Variants in PPP2CA observed in about 807,000 individuals in gnomAD.
The protein encoded by PPP2CA is protein phosphatase 2 catalytic subunit alpha, also known as serine/threonine-protein phosphatase 2A catalytic subunit alpha isoform.
PPP2CA carries 5 observed loss-of-function variants against 38.8 expected under a neutral mutation model. That is an observed-to-expected ratio of 0.13 (90% CI 0.07 to 0.27). The LOEUF is 0.27. PPP2CA is among the 10% of genes least tolerant of loss of function. PPP2CA has a pLI of 1.00. For missense variants in PPP2CA, 88 were observed against 389.7 expected (o/e 0.23, Z 6.52); for synonymous variants, 152 against 134.0 (o/e 1.13, Z -0.93).
At chr5:134,225,684 G>T in intron 1 of PPP2CA, 76 bp downstream of exon 1, 2 of 1,397,722 alleles carry the variant, frequency 1.4e-6, no homozygotes, top group Non-Finnish European at 2.0e-6. Context: ...CCGCCATGTT[G>T]CACCCTCCTC....
At chr5:134,208,038 T>C (rs573912328) in intron 1 of PPP2CA, among the ~76,000 whole-genome samples, 15 of 152,312 alleles carry the variant, frequency 9.8e-5, no homozygotes, top group African/African-American at 3.6e-4. Flanking sequence ...ACCTATCATA[T>C]ATTAATGAAA....
chr5:134,203,213 T>TA (rs1189031912), intron 2 of PPP2CA, among the ~76,000 whole-genome samples: 1 of 152,238 alleles, frequency 6.6e-6, no homozygotes, highest in Admixed American at 6.5e-5. Flanking sequence ...GTGCTTTTGT[T>TA]ATATCTAAGA....
intron 3 of PPP2CA, 78 bp downstream of exon 3, chr5:134,201,770 G>GA: frequency 1.4e-6 from 2 of 1,448,814 alleles, no homozygotes; most frequent in South Asian, 2.6e-5. Flanking sequence ...GTTAAGAGTG[G>GA]AAAGAGTCAT....
chr5:134,225,092 C>T (rs1207311192), intron 1 of PPP2CA, among the ~76,000 whole-genome samples: 2 of 152,196 alleles, frequency 1.3e-5, no homozygotes, highest in African/African-American at 4.8e-5. Context: ...TCACCAAATT[C>T]CCGATTTCTT....
intron 1 of PPP2CA, among the ~76,000 whole-genome samples, chr5:134,219,359 G>T (rs1207764149): frequency 6.6e-6 from 1 of 152,208 alleles, no homozygotes; most frequent in Non-Finnish European, 1.5e-5. Context: ...TCACACGATA[G>T]CATCAATGAC....
At chr5:134,204,375 C>T (rs1050680517) in intron 2 of PPP2CA, among the ~76,000 whole-genome samples, 4 of 152,260 alleles carry the variant, frequency 2.6e-5, no homozygotes, top group Non-Finnish European at 4.4e-5. Flanking sequence ...TTCAGATCAT[C>T]ATCAGTACAC....
chr5:134,203,368 TTGC>T (rs1388087961), intron 2 of PPP2CA, among the ~76,000 whole-genome samples: 2 of 152,336 alleles, frequency 1.3e-5, no homozygotes, highest in South Asian at 4.1e-4. Flanking sequence ...CGGTATTCTT[TTGC>T]TAAGGCTGCC....
chr5:134,216,590 C>T (rs1299680938), intron 1 of PPP2CA, among the ~76,000 whole-genome samples: 1 of 145,058 alleles, frequency 6.9e-6, no homozygotes, highest in Non-Finnish European at 1.5e-5. Flanking sequence ...AGTCAAACAC[C>T]GAAGAACCCC....
intron 1 of PPP2CA, among the ~76,000 whole-genome samples, chr5:134,222,006 G>A (rs1220213304): frequency 1.3e-5 from 2 of 149,946 alleles, no homozygotes; most frequent in Admixed American, 6.7e-5. Flanking sequence ...TTATGAAAGT[G>A]TTGACTTCCC....
chr5:134,217,046 C>T (rs1762335989), intron 1 of PPP2CA, among the ~76,000 whole-genome samples: 1 of 152,166 alleles, frequency 6.6e-6, no homozygotes, highest in Non-Finnish European at 1.5e-5. Context: ...CTTTGGGAGG[C>T]CAAGGCAGGC....
chr5:134,225,698 G>T, intron 1 of PPP2CA, 62 bp downstream of exon 1: 2 of 1,512,468 alleles, frequency 1.3e-6, no homozygotes, highest in South Asian at 1.1e-5. Context: ...CCTCCTCACG[G>T]CCGCCTTTTC....
At position 134,225,869 on chromosome 5, in the gene PPP2CA, C is replaced by G; in HGVS notation, c.-8G>C. ...GAACACCTTCTCGTCCATGATGCCA[C>G]CCGCCCCAGCCGGCTGCCGCTCCGC... is the stretch of plus-strand genomic sequence containing the variant. On this transcript the variant is annotated 5_prime_UTR_variant, in exon 1 of 7. Transcript: ENST00000481195. 2 of 1,603,614 alleles carry G rather than the reference C, an allele frequency of 1.2e-6. No individual in the cohort carries two copies. The highest frequency in any genetic ancestry group is 1.1e-5 in the South Asian group (1 of 90,804).
intron 4 of PPP2CA, 106 bp downstream of exon 4, chr5:134,200,879 T>C: frequency 2.1e-6 from 2 of 952,732 alleles, no homozygotes; most frequent in Non-Finnish European, 3.2e-6. Flanking sequence ...ACACCTCAAG[T>C]TGTTTTTGAG....
chr5:134,219,179 A>G (rs899372994), intron 1 of PPP2CA, among the ~76,000 whole-genome samples: 5 of 152,242 alleles, frequency 3.3e-5, no homozygotes, highest in Non-Finnish European at 7.3e-5. Context: ...TTAACTATAA[A>G]GTCAATCTCC....
intron 6 of PPP2CA, among the ~76,000 whole-genome samples, chr5:134,198,766 A>G (rs1320208663): frequency 6.6e-6 from 1 of 152,128 alleles, no homozygotes; most frequent in Non-Finnish European, 1.5e-5. Flanking sequence ...GGGTTTCACC[A>G]TGTTGGTCAG....
chr5:134,207,858 T>C (rs749370021), intron 1 of PPP2CA, among the ~76,000 whole-genome samples: 11 of 152,200 alleles, frequency 7.2e-5, no homozygotes, highest in African/African-American at 2.7e-4. Context: ...GAGATACCTA[T>C]TAAGAAATAT....
chr5:134,199,337 T>C, intron 5 of PPP2CA, 133 bp from the exon 6 acceptor site: 3 of 650,724 alleles, frequency 4.6e-6, no homozygotes, highest in Non-Finnish European at 8.2e-6. Flanking sequence ...TAATGCTTTT[T>C]TTCTGGATGA....
chr5:134,220,670 A>G (rs1384430793), intron 1 of PPP2CA, among the ~76,000 whole-genome samples: 8 of 152,154 alleles, frequency 5.3e-5, no homozygotes, highest in Admixed American at 5.2e-4. Context: ...CCCTGATAAA[A>G]GACCCCACCA....
chr5:134,224,417 C>A, intron 1 of PPP2CA: 1 of 393,624 alleles, frequency 2.5e-6, no homozygotes, highest in Non-Finnish European at 5.0e-6. Flanking sequence ...TCCAATTGTT[C>A]ACAACATGGT....
Sources: allele counts gnomAD v4.1 joint callset (sites outside exome capture counted in the v4.1 genomes callset), GRCh38; gene constraint gnomAD v4.1.1; transcripts MANE v1.5; gene names NCBI Gene and HGNC (gene_info 2026-07-23, HGNC 2026-07-21).